CCBE1: variants seen among roughly 807,000 people sequenced by gnomAD.
CCBE1 encodes collagen and calcium-binding EGF domain-containing protein 1.
In CCBE1, 37 loss-of-function variants were observed where a neutral mutation model predicts 50.0. That is an observed-to-expected ratio of 0.74 (90% CI 0.57 to 0.97). The LOEUF (loss-of-function observed/expected upper bound fraction) is 0.97. Ranked by LOEUF, CCBE1 falls within the 50% of genes least tolerant of loss-of-function variation. CCBE1 has a pLI of 0.00. For missense variants in CCBE1, 538 were observed against 523.8 expected (o/e 1.03, Z -0.26); for synonymous variants, 234 against 203.7 (o/e 1.15, Z -1.27).
intron 9 of CCBE1, 122 bp downstream of exon 9, chr18:59,439,421 T>C: frequency 8.4e-7 from 1 of 1,190,868 alleles, no homozygotes; most frequent in African/African-American, 1.5e-5. Flanking sequence ...GAGCCAAGAT[T>C]GTGCCATTGC....
At position 59,439,792 on chromosome 18, in the gene CCBE1, G is replaced by C; in HGVS notation, c.800C>G (p.Pro267Arg). The C allele has an allele frequency of 6.2e-7, 1 of 1,613,980 alleles. No homozygotes were observed. The highest frequency in any genetic ancestry group is 8.5e-7 in the Non-Finnish European group (1 of 1,179,970). Reference sequence around the variant, plus strand: ...AGGGCCTGGCATACCGGGGAAGCCTGGGCTTCCCTTTGGTCCTGGTGAGCC... The same window carrying C: ...AGGGCCTGGCATACCGGGGAAGCCTCGGCTTCCCTTTGGTCCTGGTGAGCC... ...PPGSPGPKGS[P>R]GFPGMPGPPG... Residue 267 changes from proline to arginine, a missense_variant, in exon 8 of 11, where the codon CCA becomes CGA. Coordinates refer to ENST00000439986, the MANE Select transcript of CCBE1 (RefSeq NM_133459.4).
At chr18:59,502,442 C>T (rs1034452542) in intron 2 of CCBE1, among the ~76,000 whole-genome samples, 5 of 132,542 alleles carry the variant, frequency 3.8e-5, no homozygotes, top group Non-Finnish European at 7.8e-5. Context: ...CCCACTACCC[C>T]TAACATCCCA....
At chr18:59,553,308 T>C (rs573927461) in intron 2 of CCBE1, among the ~76,000 whole-genome samples, 92 of 152,192 alleles carry the variant, frequency 6.0e-4, no homozygotes, top group Admixed American at 2.5e-3. Flanking sequence ...TGAGCACATG[T>C]AACAGACTTC....
At position 59,548,996 on chromosome 18, in the gene CCBE1, G is replaced by A. The variant is rs147909657; in HGVS notation, c.213-68758C>T. Among the ~76,000 whole-genome samples, 549 of 151,482 alleles carry A rather than the reference G, an allele frequency of 3.6e-3. 4 individuals carry two copies. The highest frequency in any genetic ancestry group is 0.012 in the African/African-American group (512 of 41,292). ...CGCATTCCTGAAACCCCAACTACTC[G>A]GGAGGCTGAGGCAGGAGAATCACTT... On this transcript the variant is annotated intron_variant, in intron 2 of 10. Transcript: ENST00000439986.
chr18:59,511,362 T>C (rs1299532474), intron 2 of CCBE1, among the ~76,000 whole-genome samples: 3 of 152,210 alleles, frequency 2.0e-5, no homozygotes, highest in Non-Finnish European at 4.4e-5. Context: ...CTTGACATAT[T>C]CAGAGCTCCT....
In CCBE1 at chr18:59,567,971, G is replaced by C. The variant is rs531690563; in HGVS notation, c.213-87733C>G. 2.6e-5 allele frequency among the ~76,000 whole-genome samples: 4 copies of C among 152,082 alleles called. No homozygotes were observed. The South Asian group carries it at 8.3e-4, about 32-fold the overall frequency. On this transcript the variant is annotated intron_variant, in intron 2 of 10. Coordinates refer to ENST00000439986, the MANE Select transcript of CCBE1 (RefSeq NM_133459.4). ...TCATTTGTTTTTGAACTTTCTTCTT[G>C]CTCATAGATTTTTAGAAATCGCTGT...
At chr18:59,555,795 G>A (rs1407100236) in intron 2 of CCBE1, among the ~76,000 whole-genome samples, 2 of 152,056 alleles carry the variant, frequency 1.3e-5, no homozygotes, top group Admixed American at 1.3e-4. Flanking sequence ...CAACAGCCCT[G>A]GGGTCTTTAT....
chr18:59,437,227 G>C (rs890118826), intron 10 of CCBE1, among the ~76,000 whole-genome samples: 1 of 152,160 alleles, frequency 6.6e-6, no homozygotes, highest in Non-Finnish European at 1.5e-5. Context: ...GCACAAACAC[G>C]CATGTTCTGG....
chr18:59,530,151 A>C (rs535707109), intron 2 of CCBE1, among the ~76,000 whole-genome samples: 2 of 152,256 alleles, frequency 1.3e-5, no homozygotes, highest in South Asian at 4.2e-4. Context: ...ATAATCTAGT[A>C]AGTTGAGATG....
intron 3 of CCBE1, among the ~76,000 whole-genome samples, chr18:59,474,782 ACC>A (rs1271423501): frequency 6.6e-6 from 1 of 151,516 alleles, no homozygotes; most frequent in Non-Finnish European, 1.5e-5. Flanking sequence ...CACTACTTTT[ACC>A]CCTTTTTCTA....
At chr18:59,438,877 C>T (rs537115559) in intron 9 of CCBE1, among the ~76,000 whole-genome samples, 10 of 152,132 alleles carry the variant, frequency 6.6e-5, no homozygotes, top group South Asian at 2.1e-4. Flanking sequence ...AGGCCGGGAG[C>T]GGTGCCTCAC....
At chr18:59,605,241 TACA>T (rs1045852228) in intron 2 of CCBE1, among the ~76,000 whole-genome samples, 5 of 152,212 alleles carry the variant, frequency 3.3e-5, no homozygotes, top group Admixed American at 3.3e-4. Flanking sequence ...AAACATCTTC[TACA>T]ACATGTTTTA....
Position 59,618,560 on chromosome 18 carries a change from G to A in CCBE1, c.212+78069C>T, listed in dbSNP as rs547382890. Among the ~76,000 whole-genome samples the A allele has an allele frequency of 2.4e-4, 37 of 151,746 alleles. No homozygotes were observed. In the South Asian group the frequency reaches 7.7e-3, roughly 32 times the overall value. ...AGAGATTCTCCTGCTTCAGCCACCT[G>A]AGTAGCGGGGACTACAGGTGCGTGC... On this transcript the variant is annotated intron_variant, in intron 2 of 10. Coordinates refer to ENST00000439986, the MANE Select transcript of CCBE1 (RefSeq NM_133459.4).
chr18:59,610,599 T>C (rs2053555526), intron 2 of CCBE1, among the ~76,000 whole-genome samples: 2 of 152,224 alleles, frequency 1.3e-5, no homozygotes, highest in African/African-American at 4.8e-5. Context: ...GAGTGCTCCT[T>C]TTCAGAAGGG....
intron 2 of CCBE1, among the ~76,000 whole-genome samples, chr18:59,510,731 T>C (rs1279902159): frequency 6.6e-6 from 1 of 152,214 alleles, no homozygotes; most frequent in African/African-American, 2.4e-5. Context: ...CAGTTGCCAA[T>C]TCAACTTTCA....
At chr18:59,475,023 C>G (rs981030325) in intron 3 of CCBE1, among the ~76,000 whole-genome samples, 3 of 152,156 alleles carry the variant, frequency 2.0e-5, no homozygotes, top group Admixed American at 1.3e-4. Context: ...CCTGCCCTGC[C>G]CATTTTGTGC....
intron 2 of CCBE1, among the ~76,000 whole-genome samples, chr18:59,562,538 C>G (rs1568207959): frequency 6.6e-6 from 1 of 152,290 alleles, no homozygotes; most frequent in East Asian, 1.9e-4. Flanking sequence ...CCATGTCAGT[C>G]CCCTGATCTT....
Position 59,432,394 on chromosome 18 carries a change from G to T in CCBE1, c.*3514C>A, listed in dbSNP as rs1027733602. The T allele has an allele frequency of 6.6e-6, 1 of 152,148 alleles. No individual in the cohort carries two copies. The highest frequency in any genetic ancestry group is 2.4e-5 in the African/African-American group (1 of 41,428). 9.4% of individuals were successfully genotyped at this position (152,148 alleles called of 1,614,324 possible). ...CTAACAGGTTGAGGAGGTGTACAAA[G>T]ATCTTTTTCCCTATAAAACATGAAA... On this transcript the variant is annotated 3_prime_UTR_variant, in exon 11 of 11. Transcript: ENST00000439986.
intron 3 of CCBE1, among the ~76,000 whole-genome samples, chr18:59,473,597 T>C (rs770295020): frequency 3.3e-5 from 5 of 152,028 alleles, no homozygotes; most frequent in Admixed American, 3.3e-4. Flanking sequence ...TATTGTTAAT[T>C]TCTTTGATCT....
Sources: gnomAD v4.1 joint callset for allele counts (sites outside exome capture counted in the v4.1 genomes callset) on GRCh38, gnomAD v4.1.1 for gene constraint, MANE v1.5 for transcripts, NCBI Gene and HGNC (gene_info 2026-07-23, HGNC 2026-07-21) for gene names.